TSPAN4: variants seen among roughly 807,000 people sequenced by gnomAD.
TSPAN4 encodes the protein tetraspanin 4, also known as tetraspanin-4.
In TSPAN4, 38 loss-of-function variants were observed where a neutral mutation model predicts 31.5. The ratio of observed to expected loss-of-function variants is 1.21; its 90% CI spans 0.93 to 1.58. TSPAN4 has a LOEUF of 1.58. Ranked by LOEUF, TSPAN4 falls within the 40% of genes most tolerant of loss-of-function variation. The probability of loss-of-function intolerance (pLI) is 0.00; values close to 1 mark genes in which losing one functional copy is unlikely to be tolerated. For synonymous variants in TSPAN4, 186 were observed against 144.6 expected (o/e 1.29, Z -2.06); for missense variants, 330 against 317.3 (o/e 1.04, Z -0.30).
chr11:856,219 GC>G, intron 3 of TSPAN4, among the ~76,000 whole-genome samples: 1 of 152,340 alleles, frequency 6.6e-6, no homozygotes, highest in Middle Eastern at 3.4e-3. Context: ...GGCCCTCCAA[GC>G]CTTTTGGGCT....
intron 3 of TSPAN4, among the ~76,000 whole-genome samples, chr11:855,289 G>C (rs1487985946): frequency 6.6e-6 from 1 of 152,210 alleles, no homozygotes; most frequent in Non-Finnish European, 1.5e-5. Flanking sequence ...CACGCAGGGG[G>C]ACGGGAGTGA....
At chr11:845,366 A>G (rs28687226) in intron 1 of TSPAN4, among the ~76,000 whole-genome samples, 150,264 of 151,720 alleles carry the variant, frequency 0.99, 74,428 homozygotes, top group Middle Eastern at 1. Flanking sequence ...CGTTGTGAGC[A>G]GTGGGGCCTG....
chr11:858,570 C>G (rs556229846), intron 3 of TSPAN4: 16 of 164,754 alleles, frequency 9.7e-5, no homozygotes, highest in African/African-American at 3.4e-4. Flanking sequence ...GGCTCACATG[C>G]ACTCCCGGCT....
Position 864,470 on chromosome 11 carries a change from G to C in TSPAN4, c.289G>C (p.Glu97Gln). 6.2e-7 allele frequency: 1 copy of C among 1,612,826 alleles called. No individual in the cohort carries two copies. The highest frequency in any genetic ancestry group is 8.5e-7 in the Non-Finnish European group (1 of 1,179,940). ...GCTGCTGCTGCTGGTGTTCCTGCTGGAGGCCACCATCGCCATCCTCTTCTT... is the reference window on the plus strand; with the variant it reads ...GCTGCTGCTGCTGGTGTTCCTGCTGCAGGCCACCATCGCCATCCTCTTCTT... ...FLLLLLVFLL[E>Q]ATIAILFFAY... is the part of the protein sequence containing the mutation. Residue 97 changes from glutamate (E) to glutamine (Q), a missense_variant, in exon 5 of 9, where the codon GAG becomes CAG. Physicochemically the swap from Glu to Gln is conservative, Grantham distance 29 (BLOSUM62 2). Transcript: ENST00000397397.
chr11:847,775 G>A (rs1041924297), intron 2 of TSPAN4, among the ~76,000 whole-genome samples: 6 of 152,120 alleles, frequency 3.9e-5, no homozygotes, highest in African/African-American at 1.2e-4. Context: ...CATCCTGGGC[G>A]CTGGGCTCAG....
chr11:849,108 C>T (rs1216969142), intron 2 of TSPAN4, among the ~76,000 whole-genome samples: 1 of 152,192 alleles, frequency 6.6e-6, no homozygotes, highest in African/African-American at 2.4e-5. Flanking sequence ...CCCTTGAAGC[C>T]GGCCCCGCTC....
At chr11:866,467 C>A in intron 8 of TSPAN4, 95 bp from the exon 9 acceptor site, 2 of 1,209,394 alleles carry the variant, frequency 1.7e-6, no homozygotes, top group South Asian at 1.5e-5. Context: ...GGGTCGGGGT[C>A]AGGGCCAGGG....
At chr11:844,367 C>A (rs1847170932) in intron 1 of TSPAN4, 1 of 152,440 alleles carries the variant, frequency 6.6e-6, no homozygotes, top group African/African-American at 2.4e-5. Context: ...CTGGCTTGGG[C>A]CAAGCTGACA....
chr11:862,364 C>T (rs552893030), intron 3 of TSPAN4, 186 bp from the exon 4 acceptor site: 106 of 571,574 alleles, frequency 1.9e-4, no homozygotes, highest in African/African-American at 9.2e-4. Context: ...CCCAGGGTGT[C>T]GGGAAAGACT....
At chr11:866,376 G>A (rs1370759070) in intron 8 of TSPAN4, among the ~76,000 whole-genome samples, 186 bp from the exon 9 acceptor site, 1 of 152,044 alleles carries the variant, frequency 6.6e-6, no homozygotes, top group Non-Finnish European at 1.5e-5. Flanking sequence ...GGAGGGTGCT[G>A]TGGCTCGAGC....
chr11:864,781 G>A (rs1348714683), intron 5 of TSPAN4: 9 of 552,686 alleles, frequency 1.6e-5, no homozygotes, highest in South Asian at 4.2e-5. Flanking sequence ...CTGACGCAGC[G>A]TCCTGAGCCG....
Position 864,504 on chromosome 11 carries a change from CG to C in TSPAN4, c.325del (p.Asp109ThrfsTer11). The part of the protein sequence containing the change: ...ATIAILFFAY[T>X]DKIDRYAQQD... ...ATCGCCATCCTCTTCTTCGCCTACA[CG>C]GACAAGGTACGGCTGCCTTGGCCGC... On this transcript the variant is annotated frameshift_variant, in exon 5 of 9. Transcript: ENST00000397397. LOFTEE classifies it high-confidence loss of function. The C allele has an allele frequency of 6.2e-7, 1 of 1,612,502 alleles. No individual in the cohort carries two copies. The highest frequency in any genetic ancestry group is 8.5e-7 in the Non-Finnish European group (1 of 1,179,934).
chr11:861,865 G>T (rs1182946688), intron 3 of TSPAN4, among the ~76,000 whole-genome samples: 1 of 152,246 alleles, frequency 6.6e-6, no homozygotes, highest in Non-Finnish European at 1.5e-5. Context: ...GGAGGTTGCA[G>T]TGAGCCCAGA....
At position 850,518 on chromosome 11, in the gene TSPAN4, C is replaced by G. The variant is rs1590228387; in HGVS notation, c.63+151C>G. ...CCGGGAGGACCCAAGACCGCTGCTC[C>G]GGCTAGGAGCCTGGACTGGGCGGGT... On this transcript the variant is annotated intron_variant, in intron 3 of 8. Coordinates refer to ENST00000397397, the MANE Select transcript of TSPAN4 (RefSeq NM_003271.5). 5 of 676,348 alleles carry G rather than the reference C, an allele frequency of 7.4e-6. No homozygotes were observed. The South Asian group carries it at 7.4e-5, about 10-fold the overall frequency. 41.9% of individuals were successfully genotyped at this position (676,348 alleles called of 1,614,324 possible).
chr11:865,841 A>G lies in TSPAN4; in HGVS notation c.564+16A>G, dbSNP rs1393580255. On this transcript the variant is annotated intron_variant, in intron 7 of 8. Coordinates refer to ENST00000397397, the MANE Select transcript of TSPAN4 (RefSeq NM_003271.5). ...GTGGAAGGCGGTGAGTGAGACCCCC[A>G]CCCTGGGGGCTGGTAGGGGCCTAGA... The G allele has an allele frequency of 6.2e-7, 1 of 1,611,870 alleles. No homozygotes were observed. Among genetic ancestry groups the G allele is most frequent in the Admixed American group, 1.7e-5 (1 of 59,894 alleles).
intron 4 of TSPAN4, chr11:863,063 C>G (rs528875535): frequency 4.3e-6 from 1 of 233,856 alleles, no homozygotes; most frequent in Non-Finnish European, 8.2e-6. Flanking sequence ...GCATGCGCAG[C>G]CTTTCACGGG....
intron 3 of TSPAN4, among the ~76,000 whole-genome samples, chr11:858,875 G>A (rs1726591485): frequency 1.1e-5 from 1 of 92,738 alleles, no homozygotes. Flanking sequence ...CGGCTCCCAT[G>A]CACCCCTGGG....
At chr11:854,674 G>C (rs1847951196) in intron 3 of TSPAN4, among the ~76,000 whole-genome samples, 1 of 152,228 alleles carries the variant, frequency 6.6e-6, no homozygotes, top group Non-Finnish European at 1.5e-5. Flanking sequence ...TGTTCCAAAG[G>C]AAAGTCCTGG....
In TSPAN4 at chr11:856,320, G is replaced by A. The variant is rs568667568; in HGVS notation, c.63+5953G>A. Among the ~76,000 whole-genome samples the A allele has an allele frequency of 7.9e-4, 120 of 152,332 alleles. 2 individuals carry two copies. The highest frequency in any genetic ancestry group is 4.6e-3 in the South Asian group (22 of 4,826). ...GAGCCTGGGGCCTGGTATGCTGGAC[G>A]GACATTGGCCAGAGATGGTCTCACG... is the stretch of plus-strand genomic sequence containing the variant. On this transcript the variant is annotated intron_variant, in intron 3 of 8. Transcript: ENST00000397397.
Sources: allele counts gnomAD v4.1 joint callset (sites outside exome capture counted in the v4.1 genomes callset), GRCh38; gene constraint gnomAD v4.1.1; transcripts MANE v1.5; gene names NCBI Gene and HGNC (gene_info 2026-07-23, HGNC 2026-07-21).